Variants in CRPPA observed in about 807,000 individuals in gnomAD.
CRPPA encodes the protein CDP-L-ribitol pyrophosphorylase A, also known as D-ribitol-5-phosphate cytidylyltransferase.
CRPPA carries 43 observed loss-of-function variants against 52.0 expected under a neutral mutation model. The observed-to-expected ratio is 0.83, with a 90% CI of 0.65 to 1.07. The LOEUF (loss-of-function observed/expected upper bound fraction) is 1.07, where lower values mean the gene tolerates loss of function less well. Among genes scored for constraint, CRPPA ranks in the 50% least tolerant of loss-of-function variants. The pLI, the probability that CRPPA is intolerant of heterozygous loss-of-function variation, is 0.00. For missense variants in CRPPA, 629 were observed against 551.7 expected (o/e 1.14, Z -1.40); for synonymous variants, 250 against 203.5 (o/e 1.23, Z -1.94).
At chr7:16,214,737 C>A (rs1782258231) in intron 9 of CRPPA, among the ~76,000 whole-genome samples, 1 of 152,142 alleles carries the variant, frequency 6.6e-6, no homozygotes, top group South Asian at 2.1e-4. Context: ...GAACTCCTAA[C>A]CTCAAGTGAT....
At chr7:16,409,093 G>A (rs185239799) in intron 1 of CRPPA, among the ~76,000 whole-genome samples, 45 of 152,288 alleles carry the variant, frequency 3.0e-4, no homozygotes, top group African/African-American at 1.0e-3. Context: ...GTAGAGATGA[G>A]GTTTCGCCAT....
chr7:16,295,582 T>C (rs556485579), intron 5 of CRPPA, among the ~76,000 whole-genome samples: 2 of 152,218 alleles, frequency 1.3e-5, no homozygotes, highest in South Asian at 4.1e-4. Context: ...AGATGAAGAA[T>C]GGAGGTAGAA....
chr7:16,226,492 G>T (rs1443286553), intron 8 of CRPPA, among the ~76,000 whole-genome samples: 1 of 151,656 alleles, frequency 6.6e-6, no homozygotes, highest in Admixed American at 6.6e-5. Flanking sequence ...CAATTCAATG[G>T]TCGGCCAAAT....
At chr7:16,242,496 A>C (rs1783144362) in intron 8 of CRPPA, among the ~76,000 whole-genome samples, 1 of 152,172 alleles carries the variant, frequency 6.6e-6, no homozygotes, top group African/African-American at 2.4e-5. Context: ...ATGCAATCTG[A>C]CAGAGGTGGT....
intron 5 of CRPPA, among the ~76,000 whole-genome samples, chr7:16,282,372 T>C (rs1394942566): frequency 6.6e-6 from 1 of 152,150 alleles, no homozygotes; most frequent in Non-Finnish European, 1.5e-5. Flanking sequence ...TTATTGTTTT[T>C]ATTAGAATGC....
Position 16,299,946 on chromosome 7 carries a change from C to T in CRPPA, c.835+1475G>A, listed in dbSNP as rs149734721. On this transcript the variant is annotated intron_variant, in intron 5 of 9. Coordinates refer to ENST00000407010, the MANE Select transcript of CRPPA (RefSeq NM_001101426.4). ...AAAAAAAGTCATTGCTATTTTCCTA[C>T]GTAGTACATACAAAGCTCTGTGAAG... 3.2e-3 allele frequency among the ~76,000 whole-genome samples: 485 copies of T among 152,284 alleles called. 3 individuals carry two copies. The highest frequency in any genetic ancestry group is 0.011 in the African/African-American group (461 of 41,562).
chr7:16,163,237 G>T (rs1240704125), intron 9 of CRPPA, among the ~76,000 whole-genome samples: 1 of 151,964 alleles, frequency 6.6e-6, no homozygotes, highest in African/African-American at 2.4e-5. Context: ...GCCTCCCAAA[G>T]TGCTGGGATT....
At chr7:16,220,928 G>A (rs1274335865) in intron 8 of CRPPA, among the ~76,000 whole-genome samples, 3 of 152,096 alleles carry the variant, frequency 2.0e-5, no homozygotes, top group Non-Finnish European at 4.4e-5. Context: ...TTTCTTCACA[G>A]AATTGGAAAA....
intron 9 of CRPPA, among the ~76,000 whole-genome samples, chr7:16,109,928 G>C (rs1782227301): frequency 6.6e-6 from 1 of 151,916 alleles, no homozygotes; most frequent in Admixed American, 6.6e-5. Flanking sequence ...CTATTTTATA[G>C]AATATTGGAA....
intron 1 of CRPPA, among the ~76,000 whole-genome samples, chr7:16,406,960 G>A (rs910605071): frequency 6.6e-6 from 1 of 152,134 alleles, no homozygotes; most frequent in Non-Finnish European, 1.5e-5. Flanking sequence ...CATATACAAA[G>A]CATAAAGCAA....
intron 6 of CRPPA, among the ~76,000 whole-genome samples, chr7:16,272,694 A>G (rs994792635): frequency 6.6e-6 from 1 of 152,182 alleles, no homozygotes; most frequent in Non-Finnish European, 1.5e-5. Flanking sequence ...TCCTAAGGGG[A>G]TGTCTTTCAG....
chr7:16,294,920 A>C (rs984919370), intron 5 of CRPPA, among the ~76,000 whole-genome samples: 1 of 152,022 alleles, frequency 6.6e-6, no homozygotes, highest in African/African-American at 2.4e-5. Flanking sequence ...AAAAACAAAC[A>C]ATCTTGCACT....
rs140681754 is a variant in CRPPA at position 16,214,162 on chromosome 7, T to G, written c.1251+1904A>C. On this transcript the variant is annotated intron_variant, in intron 9 of 9. Coordinates refer to ENST00000407010, the MANE Select transcript of CRPPA (RefSeq NM_001101426.4). ...AATTTCAAGTAAACATCAAAGGTTT[T>G]TTTAATTCAAGTATGCTCCATGTAA... 7.8e-4 allele frequency among the ~76,000 whole-genome samples: 119 copies of G among 152,358 alleles called. 1 individual carries two copies. The East Asian group carries it at 0.019, about 24-fold the overall frequency.
intron 9 of CRPPA, among the ~76,000 whole-genome samples, chr7:16,112,961 A>G (rs1782297421): frequency 6.6e-6 from 1 of 152,106 alleles, no homozygotes; most frequent in African/African-American, 2.4e-5. Flanking sequence ...AAAATCTATG[A>G]AAAACAGACC....
intron 9 of CRPPA, among the ~76,000 whole-genome samples, chr7:16,184,678 G>A (rs1403540867): frequency 1.3e-5 from 2 of 152,106 alleles, no homozygotes; most frequent in Non-Finnish European, 2.9e-5. Flanking sequence ...TTCCTTGAAA[G>A]GCACACAAAG....
chr7:16,162,292 C>T (rs1219227524), intron 9 of CRPPA, among the ~76,000 whole-genome samples: 2 of 152,106 alleles, frequency 1.3e-5, no homozygotes, highest in Non-Finnish European at 2.9e-5. Context: ...TAGATCTTTC[C>T]TACTTTCTCC....
chr7:16,141,949 A>G (rs1782880736), intron 9 of CRPPA, among the ~76,000 whole-genome samples: 1 of 152,126 alleles, frequency 6.6e-6, no homozygotes, highest in Non-Finnish European at 1.5e-5. Context: ...CTCATGGCTG[A>G]ATTTCAGCCT....
chr7:16,398,838 G>A (rs1274039059), intron 2 of CRPPA, among the ~76,000 whole-genome samples: 1 of 152,180 alleles, frequency 6.6e-6, no homozygotes, highest in Non-Finnish European at 1.5e-5. Flanking sequence ...ACACGTGACT[G>A]ACGCGATTTA....
At chr7:16,358,172 G>A (rs1246467792) in intron 3 of CRPPA, among the ~76,000 whole-genome samples, 3 of 151,388 alleles carry the variant, frequency 2.0e-5, no homozygotes, top group Non-Finnish European at 4.4e-5. Flanking sequence ...CTGCTAGAGA[G>A]TAAACACCAC....
Sources: gnomAD v4.1 joint callset for allele counts (sites outside exome capture counted in the v4.1 genomes callset) on GRCh38, gnomAD v4.1.1 for gene constraint, MANE v1.5 for transcripts, NCBI Gene and HGNC (gene_info 2026-07-23, HGNC 2026-07-21) for gene names.